Variants in PNKD observed in about 807,000 individuals in gnomAD.
The protein encoded by PNKD is probable thioesterase PNKD.
In PNKD, 36 loss-of-function variants were observed where a neutral mutation model predicts 45.3. The ratio of observed to expected loss-of-function variants is 0.80; its 90% CI spans 0.61 to 1.05. The LOEUF is 1.05. Among genes scored for constraint, PNKD ranks in the 50% least tolerant of loss-of-function variants. The probability of loss-of-function intolerance (pLI) is 0.00; values close to 1 mark genes in which losing one functional copy is unlikely to be tolerated. For synonymous variants in PNKD, 197 were observed against 210.1 expected (o/e 0.94, Z 0.54); for missense variants, 511 against 506.6 (o/e 1.01, Z -0.08).
chr2:218,307,161 C>T (rs1693435103), intron 2 of PNKD, among the ~76,000 whole-genome samples: 1 of 151,970 alleles, frequency 6.6e-6, no homozygotes, highest in South Asian at 2.1e-4. Context: ...TTAAAGATCC[C>T]GTGTGGCAGC....
At chr2:218,282,090 G>A (rs768931443) in intron 2 of PNKD, 1 of 1,575,334 alleles carries the variant, frequency 6.3e-7, no homozygotes, top group Non-Finnish European at 8.6e-7. Flanking sequence ...GGAGGGCCTG[G>A]GTACAGGGGG....
intron 2 of PNKD, among the ~76,000 whole-genome samples, chr2:218,276,667 G>A (rs536741278): frequency 9.2e-5 from 14 of 152,124 alleles, no homozygotes; most frequent in Non-Finnish European, 1.5e-4. Context: ...TTCCACCTAG[G>A]CCCATCATCT....
chr2:218,295,556 A>C (rs1457443882), intron 2 of PNKD, among the ~76,000 whole-genome samples: 3 of 151,950 alleles, frequency 2.0e-5, no homozygotes, highest in Admixed American at 1.3e-4. Flanking sequence ...GGAGGGGAGA[A>C]GGTTCTCCAG....
Position 218,315,713 on chromosome 2 carries a change from T to C in PNKD, c.237-24070T>C, listed in dbSNP as rs144821158. Among the ~76,000 whole-genome samples, 8 of 152,376 alleles carry C rather than the reference T, an allele frequency of 5.3e-5. No individual in the cohort carries two copies. In the East Asian group the frequency reaches 1.5e-3, roughly 29 times the overall value. ...TGGTTTAATTTTATATCCTTAACCC[T>C]TTAATTCGGGTAGAATTTATTTTGG... is the stretch of plus-strand genomic sequence containing the variant. On this transcript the variant is annotated intron_variant, in intron 2 of 9. Transcript: ENST00000273077.
In PNKD at chr2:218,326,257, T is replaced by C. The variant is rs190215963; in HGVS notation, c.237-13526T>C. ...CATTAGTAATCATCATCCCTGGTGT[T>C]TGGCAATTTAATAAAAGGCTTTCCT... On this transcript the variant is annotated intron_variant, in intron 2 of 9. Transcript: ENST00000273077. This position sits in a 1 kb window ranked among gnomAD's most constrained non-coding sequence, Gnocchi z 4.1. Among the ~76,000 whole-genome samples the C allele has an allele frequency of 1.2e-3, 179 of 152,258 alleles. 2 individuals carry two copies. Among genetic ancestry groups the C allele is most frequent in the Admixed American group, 1.7e-3 (26 of 15,290 alleles).
intron 2 of PNKD, chr2:218,323,385 C>G: frequency 6.3e-7 from 1 of 1,578,356 alleles, no homozygotes; most frequent in South Asian, 1.1e-5. Flanking sequence ...GCGGGGCCTC[C>G]GCGGTCTGCT....
At chr2:218,309,699 A>AGGTGGGAGGATCATTTGACGTCAGG (rs1338186295) in intron 2 of PNKD, among the ~76,000 whole-genome samples, 1 of 151,208 alleles carries the variant, frequency 6.6e-6, no homozygotes, top group Non-Finnish European at 1.5e-5. Flanking sequence ...TGGGAGGCCG[A>AGGTGGGAGGATCATTTGACGTCAGG]GGTGGGAGGA....
intron 2 of PNKD, chr2:218,292,677 G>T (rs754285368): frequency 1.4e-4 from 22 of 152,168 alleles, no homozygotes; most frequent in Non-Finnish European, 2.5e-4. Flanking sequence ...TAACACAGGG[G>T]TATTTTCGGA....
At chr2:218,328,044 CCT>C (rs1296166792) in intron 2 of PNKD, 2 of 152,000 alleles carry the variant, frequency 1.3e-5, no homozygotes, top group Non-Finnish European at 2.9e-5. Context: ...CGAGTTCCCA[CCT>C]CTCTCATGAA....
At chr2:218,296,207 G>A (rs972200241) in intron 2 of PNKD, among the ~76,000 whole-genome samples, 1 of 151,994 alleles carries the variant, frequency 6.6e-6, no homozygotes, top group African/African-American at 2.4e-5. Flanking sequence ...GGAAATACTT[G>A]TACTAAAAAA....
At chr2:218,283,588 G>T (rs1692238644) in intron 2 of PNKD, among the ~76,000 whole-genome samples, 1 of 152,202 alleles carries the variant, frequency 6.6e-6, no homozygotes, top group Admixed American at 6.5e-5. Context: ...ACCCCCAGAT[G>T]CAGGTCAGCA....
intron 7 of PNKD, among the ~76,000 whole-genome samples, chr2:218,342,794 T>C (rs116443880): frequency 0.025 from 3,741 of 149,102 alleles, 173 homozygotes; most frequent in African/African-American, 0.087. Context: ...CCAAAGCAAG[T>C]GGATTGCTTG....
At chr2:218,329,753 A>G (rs547861980) in intron 2 of PNKD, among the ~76,000 whole-genome samples, 2 of 152,328 alleles carry the variant, frequency 1.3e-5, no homozygotes, top group Admixed American at 1.3e-4. Context: ...CCTTACCCTC[A>G]AGGGCTTTTT....
intron 2 of PNKD, among the ~76,000 whole-genome samples, chr2:218,321,208 A>T (rs1022051890): frequency 4.6e-5 from 7 of 152,214 alleles, no homozygotes; most frequent in African/African-American, 1.7e-4. Context: ...CTTACCTGGC[A>T]CAGCCTTACC....
At chr2:218,271,198 G>A (rs1650339818) in intron 1 of PNKD, 183 bp from the exon 2 acceptor site, 5 of 662,132 alleles carry the variant, frequency 7.6e-6, no homozygotes, top group Admixed American at 6.9e-5. Context: ...GCTTCCAAAG[G>A]TGCCACCTCG....
At chr2:218,315,409 G>A (rs929329398) in intron 2 of PNKD, among the ~76,000 whole-genome samples, 3 of 150,208 alleles carry the variant, frequency 2.0e-5, no homozygotes, top group Admixed American at 6.6e-5. Context: ...CACCCGCCTC[G>A]GCCTCCCAAA....
In PNKD at chr2:218,346,530, G is replaced by A. The variant is rs79061826; in HGVS notation, c.*1549G>A. The stretch of plus-strand genomic sequence containing the variant: ...TCTGCCTGGCAAGTTCATCTCTCAC[G>A]ATCCCCTCAAAGGCCCCCTCCTCCA... On this transcript the variant is annotated 3_prime_UTR_variant, in exon 10 of 10. Coordinates refer to ENST00000273077, the MANE Select transcript of PNKD (RefSeq NM_015488.5). The A allele has an allele frequency of 1.3e-3, 194 of 154,032 alleles. 2 individuals carry two copies. The East Asian group carries it at 0.016, about 13-fold the overall frequency. 9.5% of individuals were successfully genotyped at this position (154,032 alleles called of 1,614,324 possible).
chr2:218,282,037 C>T (rs1012840883), intron 2 of PNKD: 1 of 1,607,230 alleles, frequency 6.2e-7, no homozygotes. Flanking sequence ...AGGCAGGATA[C>T]CCTCCTGGCA....
chr2:218,323,339 C>G, intron 2 of PNKD: 1 of 1,579,954 alleles, frequency 6.3e-7, no homozygotes, highest in Non-Finnish European at 8.6e-7. Context: ...TCCTTGTCCT[C>G]GTCCTACTTG....
Sources: allele counts gnomAD v4.1 joint callset (sites outside exome capture counted in the v4.1 genomes callset), GRCh38; gene constraint gnomAD v4.1.1; non-coding constraint Gnocchi (gnomAD v3.1); transcripts MANE v1.5; gene names NCBI Gene and HGNC (gene_info 2026-07-23, HGNC 2026-07-21).